The following PLEKHG2 variants were observed in gnomAD, a reference collection of about 807,000 sequenced individuals.
PLEKHG2 encodes the protein pleckstrin homology and RhoGEF domain containing G2, also known as pleckstrin homology domain-containing family G member 2.
A neutral mutation model predicts 104.4 loss-of-function variants in PLEKHG2; 71 were observed. The ratio of observed to expected loss-of-function variants is 0.68; its 90% confidence interval spans 0.56 to 0.83. PLEKHG2 has a LOEUF of 0.83. PLEKHG2 is among the 40% of genes least tolerant of loss of function. PLEKHG2 has a pLI of 0.00. For missense variants in PLEKHG2, 1,730 were observed against 1,809.4 expected (o/e 0.96, Z 0.80); for synonymous variants, 728 against 737.0 (o/e 0.99, Z 0.20).
At chr19:39,419,092 A>C in intron 11 of PLEKHG2, 89 bp downstream of exon 11, 1 of 1,226,038 alleles carries the variant, frequency 8.2e-7, no homozygotes, top group African/African-American at 1.5e-5. Flanking sequence ...CCAATGCCAG[A>C]GCAGTCTGTT....
chr19:39,418,286 A>G (rs888045768), intron 9 of PLEKHG2, among the ~76,000 whole-genome samples, 181 bp downstream of exon 9: 2 of 152,158 alleles, frequency 1.3e-5, no homozygotes, highest in African/African-American at 2.4e-5. Context: ...ACTTAAGAAA[A>G]AAAAGGAGAA....
At position 39,413,898 on chromosome 19, in the gene PLEKHG2, T is replaced by A; in HGVS notation, c.-22-167T>A. ...TTTCCATCTTTTTCGCCAGGTTCTC[T>A]CTCCTTGTCCCCTTCTTTCTGTCAC... is the stretch of plus-strand genomic sequence containing the variant. On this transcript the variant is annotated intron_variant, in intron 1 of 18. Coordinates refer to ENST00000425673, the MANE Select transcript of PLEKHG2 (RefSeq NM_022835.3). The surrounding 1 kb of genome is among the most constrained non-coding windows in gnomAD (Gnocchi z 4.5). 1 of 506,736 alleles carries A rather than the reference T, an allele frequency of 2.0e-6. No homozygotes were observed. The highest frequency in any genetic ancestry group is 3.6e-6 in the Non-Finnish European group (1 of 278,524). 31.4% of individuals were successfully genotyped at this position (506,736 alleles called of 1,614,324 possible). A position where few individuals can be genotyped will look rare whatever the true frequency, so the allele number is the denominator to read the frequency against.
At chr19:39,418,629 C>T in intron 9 of PLEKHG2, 105 bp from the exon 10 acceptor site, 1 of 846,294 alleles carries the variant, frequency 1.2e-6, no homozygotes, top group Non-Finnish European at 1.9e-6. Context: ...TGGGATGCAT[C>T]TTCCTAGGGA....
rs1028597371 is a variant in PLEKHG2 at position 39,416,206 on chromosome 19, C to T, written c.480-142C>T. ...TGTAGCCCTCAGAGGACCCTTCCTC[C>T]GGACATGACATCCCCTTAGGAGATG... is the stretch of plus-strand genomic sequence containing the variant. On this transcript the variant is annotated intron_variant, in intron 4 of 18. Transcript: ENST00000425673. The surrounding 1 kb of genome is among the most constrained non-coding windows in gnomAD (Gnocchi z 4.5). 16 of 799,520 alleles carry T rather than the reference C, an allele frequency of 2.0e-5. No homozygotes were observed. Among genetic ancestry groups the T allele is most frequent in the Admixed American group, 6.4e-5 (3 of 46,740 alleles). The allele number at this position is 799,520 out of a possible 1,614,324, so 49.5% of individuals were successfully genotyped here. A position where few individuals can be genotyped will look rare whatever the true frequency, so the allele number is the denominator to read the frequency against.
Position 39,413,279 on chromosome 19 carries a change from C to A in PLEKHG2, c.-156C>A, listed in dbSNP as rs1291818035. 6.6e-6 allele frequency: 1 copy of A among 152,270 alleles called. No individual in the cohort carries two copies. Among genetic ancestry groups the A allele is most frequent in the East Asian group, 1.9e-4 (1 of 5,184 alleles). The allele number at this position is 152,270 out of a possible 1,614,324, so 9.4% of individuals were successfully genotyped here. A position where few individuals can be genotyped will look rare whatever the true frequency, so the allele number is the denominator to read the frequency against. ...GCGGGACCCCAGTCTCCGAGAGACC[C>A]CAGATTCTATTCCTGGAGCCTGAGA... is the stretch of plus-strand genomic sequence containing the variant. On this transcript the variant is annotated 5_prime_UTR_variant, in exon 1 of 19. Transcript: ENST00000425673. This position sits in a 1 kb window ranked among gnomAD's most constrained non-coding sequence, Gnocchi z 4.5.
rs1268717705 is a variant in PLEKHG2 at position 39,416,362 on chromosome 19, ACTTGG to A, written c.495_499del (p.Asp165GlufsTer21). On this transcript the variant is annotated frameshift_variant, in exon 5 of 19. Coordinates refer to ENST00000425673, the MANE Select transcript of PLEKHG2 (RefSeq NM_022835.3). LOFTEE classifies it high-confidence loss of function. This position sits in a 1 kb window ranked among gnomAD's most constrained non-coding sequence, Gnocchi z 4.5. ...CTCCCCTGTAGCGAGCTCCTGGAGG[ACTTGG>A]AGAACAGCAGCAGCGCCGGGGGTAT... The A allele has an allele frequency of 6.2e-7, 1 of 1,612,696 alleles. No individual in the cohort carries two copies. Among genetic ancestry groups the A allele is most frequent in the Non-Finnish European group, 8.5e-7 (1 of 1,179,674 alleles).
intron 2 of PLEKHG2, 21 bp downstream of exon 2, chr19:39,414,216 G>A (rs1360439659): frequency 6.5e-7 from 1 of 1,548,170 alleles, no homozygotes; most frequent in African/African-American, 1.4e-5. Context: ...AGGCAGGGGC[G>A]GCGGAGCCTG....
At chr19:39,418,263 T>A (rs1222239625) in intron 9 of PLEKHG2, among the ~76,000 whole-genome samples, 158 bp downstream of exon 9, 1 of 152,040 alleles carries the variant, frequency 6.6e-6, no homozygotes, top group East Asian at 1.9e-4. Context: ...GTGTATAGAA[T>A]GAGAGCTGCC....
At position 39,422,771 on chromosome 19, in the gene PLEKHG2, C is replaced by G; in HGVS notation, c.1717C>G (p.Gln573Glu). 1 of 1,525,638 alleles carries G rather than the reference C, an allele frequency of 6.6e-7. No homozygotes were observed. Among genetic ancestry groups the G allele is most frequent in the Non-Finnish European group, 8.8e-7 (1 of 1,139,458 alleles). The allele number at this position is 1,525,638 out of a possible 1,614,324, so 94.5% of individuals were successfully genotyped here. ...HDIPKFPGDS[Q>E]VPGDSETLTF... ...CATTCCCAAGTTCCCCGGAGACTCC[C>G]AGGTGCCTGGCGACAGCGAAACCCT... The change falls in exon 18 of 19, where the codon CAG (glutamine) becomes GAG (glutamate). Residue 573 changes from glutamine (Q) to glutamate (E), a missense_variant. Coordinates refer to ENST00000425673, the MANE Select transcript of PLEKHG2 (RefSeq NM_022835.3).
Position 39,414,127 on chromosome 19 carries a change from G to C in PLEKHG2, c.41G>C (p.Ser14Thr). Reference sequence around the variant, plus strand: ...CAAGGACTGAGCCTCTCCAAACCTAGCCCAAGCCTCGGGTGTGGCCGAAGA... The same window carrying C: ...CAAGGACTGAGCCTCTCCAAACCTACCCCAAGCCTCGGGTGTGGCCGAAGA... ...GAQGLSLSKP[S>T]PSLGCGRRGE... is the part of the protein sequence containing the mutation. Residue 14 changes from serine (S) to threonine (T), a missense_variant, in exon 2 of 19, where the codon AGC (serine) becomes ACC (threonine). Coordinates refer to ENST00000425673, the MANE Select transcript of PLEKHG2 (RefSeq NM_022835.3). 6.4e-7 allele frequency: 1 copy of C among 1,551,568 alleles called. No individual in the cohort carries two copies. Among genetic ancestry groups the C allele is most frequent in the Middle Eastern group, 1.7e-4 (1 of 5,990 alleles).
Position 39,423,529 on chromosome 19 carries a change from C to T in PLEKHG2, c.2475C>T (p.Ser825=), listed in dbSNP as rs769598867. 1.7e-5 allele frequency: 27 copies of T among 1,561,670 alleles called. No individual in the cohort carries two copies. Among genetic ancestry groups the T allele is most frequent in the South Asian group, 4.8e-5 (4 of 83,094 alleles). Residue 825 remains serine (S), a synonymous_variant, in exon 18 of 19, where the codon AGC becomes AGT. Coordinates refer to ENST00000425673, the MANE Select transcript of PLEKHG2 (RefSeq NM_022835.3). ...TGCGAGAGCTGGCCCGGCTTTACAGCGAGCGGATCCAGCAGATGCAGCGGG... is the reference window on the plus strand; with the variant it reads ...TGCGAGAGCTGGCCCGGCTTTACAGTGAGCGGATCCAGCAGATGCAGCGGG... ...SRVRELARLY[S]ERIQQMQRAE...
chr19:39,417,102 G>A (rs1340934273), intron 7 of PLEKHG2, 102 bp downstream of exon 7: 4 of 1,351,444 alleles, frequency 3.0e-6, no homozygotes, highest in Admixed American at 2.7e-5. Flanking sequence ...GTTGGGCAAG[G>A]CCTCCCAAAG....
At chr19:39,419,796 G>A in intron 11 of PLEKHG2, among the ~76,000 whole-genome samples, 1 of 152,002 alleles carries the variant, frequency 6.6e-6, no homozygotes, top group Non-Finnish European at 1.5e-5. Context: ...AGAATGGCGT[G>A]AACCCAGGAG....
chr19:39,423,606 C>A lies in PLEKHG2; in HGVS notation c.2552C>A (p.Ala851Asp), dbSNP rs2078735491. Residue 851 changes from alanine to aspartate, a missense_variant, in exon 18 of 19, where the codon GCC (alanine) becomes GAC (aspartate). Physicochemically the swap from Ala to Asp is moderately radical, Grantham distance 126. Coordinates refer to ENST00000425673, the MANE Select transcript of PLEKHG2 (RefSeq NM_022835.3). ...CCGCGCCGCCGGCCTCGGGTTCTGG[C>A]CCAACCCCAGCCATCCCCCTGTCTG... is the stretch of plus-strand genomic sequence containing the variant. ...NAPRRRPRVLAQPQPSPCLPQ... is the reference protein window; with the variant it reads ...NAPRRRPRVLDQPQPSPCLPQ... 6.5e-7 allele frequency: 1 copy of A among 1,535,220 alleles called. No homozygotes were observed. The highest frequency in any genetic ancestry group is 1.4e-5 in the African/African-American group (1 of 72,450).
chr19:39,417,967 G>C lies in PLEKHG2; in HGVS notation c.945G>C (p.Val315=). 6.5e-7 allele frequency: 1 copy of C among 1,545,138 alleles called. No individual in the cohort carries two copies. The highest frequency in any genetic ancestry group is 2.4e-5 in the East Asian group (1 of 41,326). The change falls in exon 9 of 19, where the codon GTG becomes GTC. Residue 315 remains valine, a synonymous_variant. Coordinates refer to ENST00000425673, the MANE Select transcript of PLEKHG2 (RefSeq NM_022835.3). ...GPELSAFGEL[V]LEGAFRGGGG... The stretch of plus-strand genomic sequence containing the variant: ...AGCTCAGTGCTTTTGGGGAACTGGT[G>C]TTGGAGGGCGCGTTCCGAGGAGGCG...
chr19:39,418,894 A>G (rs757959378), intron 10 of PLEKHG2, 23 bp from the exon 11 acceptor site: 20 of 1,602,536 alleles, frequency 1.2e-5, no homozygotes, highest in Non-Finnish European at 1.7e-5. Flanking sequence ...TGGCCCCCTG[A>G]CTCTACTCCA....
Position 39,424,448 on chromosome 19 carries a change from G to A in PLEKHG2, c.3315G>A (p.Gln1105=). 6.2e-7 allele frequency: 1 copy of A among 1,614,090 alleles called. No homozygotes were observed. Among genetic ancestry groups the A allele is most frequent in the African/African-American group, 1.3e-5 (1 of 74,996 alleles). The change falls in exon 19 of 19, where the codon CAG becomes CAA. Residue 1105 remains glutamine, a synonymous_variant. Coordinates refer to ENST00000425673, the MANE Select transcript of PLEKHG2 (RefSeq NM_022835.3). ...PPLPCHLPDL[Q]IPGTSPLPAH... The stretch of plus-strand genomic sequence containing the variant: ...TGCCATGTCACCTCCCAGACCTTCA[G>A]ATTCCAGGTACCTCACCTTTGCCTG...
Position 39,417,614 on chromosome 19 carries a change from A to G in PLEKHG2, c.804A>G (p.Glu268=). 2.5e-6 allele frequency: 4 copies of G among 1,614,008 alleles called. No homozygotes were observed. The highest frequency in any genetic ancestry group is 3.4e-6 in the Non-Finnish European group (4 of 1,179,996). Residue 268 remains glutamate (E), a synonymous_variant, in exon 8 of 19, where the codon GAA becomes GAG. Transcript: ENST00000425673. ...CTGGGGGTCGCGAGATGGTGGAGGA[A>G]GCTATTGTGTCCATGACAGCGGTTG... The part of the protein sequence containing the change: ...PGTGGREMVE[E]AIVSMTAVAW...
rs1267025616 is a variant in PLEKHG2, at chr19:39,416,747, CCT to C, written c.594-102_594-101del. 13 of 1,473,250 alleles carry C rather than the reference CCT, an allele frequency of 8.8e-6. No homozygotes were observed. Among genetic ancestry groups the C allele is most frequent in the East Asian group, 2.3e-5 (1 of 44,136 alleles). The allele number at this position is 1,473,250 out of a possible 1,614,324, so 91.3% of individuals were successfully genotyped here. On this transcript the variant is annotated intron_variant, in intron 6 of 18. Coordinates refer to ENST00000425673, the MANE Select transcript of PLEKHG2 (RefSeq NM_022835.3). This position sits in a 1 kb window ranked among gnomAD's most constrained non-coding sequence, Gnocchi z 4.5. Reference sequence around the variant, plus strand: ...TGACCTCTCCCTCACTGCCCCGCCCCCTGTCAGACCCTGACCCTTCCCAAACC... The same window carrying C: ...TGACCTCTCCCTCACTGCCCCGCCCCGTCAGACCCTGACCCTTCCCAAACC...
Sources: allele counts gnomAD v4.1 joint callset (sites outside exome capture counted in the v4.1 genomes callset), GRCh38; gene constraint gnomAD v4.1.1; non-coding constraint Gnocchi (gnomAD v3.1); transcripts MANE v1.5; gene names NCBI Gene and HGNC (gene_info 2026-07-23, HGNC 2026-07-21).